MORC2: variants seen among roughly 807,000 people sequenced by gnomAD.
MORC2 encodes the protein ATPase MORC2.
In MORC2, 30 loss-of-function variants were observed where a neutral mutation model predicts 136.0. That is an observed-to-expected ratio of 0.22 (90% CI 0.17 to 0.30). MORC2 has a LOEUF of 0.30. MORC2 is among the 10% of genes least tolerant of loss of function. The pLI is 1.00. For synonymous variants in MORC2, 439 were observed against 487.0 expected, an observed-to-expected ratio of 0.90 and a Z score of 1.30; for missense variants, 922 against 1,333.1, an observed-to-expected ratio of 0.69 and a Z score of 4.80.
At chr22:30,950,338 C>CGGGGGGGGGGGG in intron 4 of MORC2, 39 bp downstream of exon 4, 1 of 695,176 alleles carries the variant, frequency 1.4e-6, no homozygotes, top group Non-Finnish European at 2.6e-6. Flanking sequence ...GGTTACATCG[C>CGGGGGGGGGGGG]ACCCCCCCAC....
At chr22:30,955,030 C>G (rs2040946504) in intron 3 of MORC2, among the ~76,000 whole-genome samples, 1 of 139,356 alleles carries the variant, frequency 7.2e-6, no homozygotes, top group Non-Finnish European at 1.5e-5. Flanking sequence ...GCGATCTTGG[C>G]TCATGGCAAC....
In MORC2 at chr22:30,940,544, A is replaced by G. The variant is rs567696002; in HGVS notation, c.904+214T>C. Reference sequence around the variant, plus strand: ...GAGCTGACACTTTTAGGCCCTATAAATGGCAGAAGAAGAGAAAGTGGAGTG... The same window carrying G: ...GAGCTGACACTTTTAGGCCCTATAAGTGGCAGAAGAAGAGAAAGTGGAGTG... On this transcript the variant is annotated intron_variant, in intron 10 of 25. Coordinates refer to ENST00000397641, the MANE Select transcript of MORC2 (RefSeq NM_001303256.3). Among the ~76,000 whole-genome samples the G allele has an allele frequency of 7.9e-5, 12 of 152,328 alleles. No individual in the cohort carries two copies. In the South Asian group the frequency reaches 2.5e-3, roughly 32 times the overall value.
Position 30,949,735 on chromosome 22 carries a change from G to A in MORC2, c.317+17C>T, listed in dbSNP as rs770128392. ...GGATTTTGTTTGAGCCCTGTGACAAGCTTCTAATATACCTACGATTTTAAC... is the reference window on the plus strand; with the variant it reads ...GGATTTTGTTTGAGCCCTGTGACAAACTTCTAATATACCTACGATTTTAAC... On this transcript the variant is annotated intron_variant, in intron 5 of 25. Transcript: ENST00000397641. 21 of 1,604,624 alleles carry A rather than the reference G, an allele frequency of 1.3e-5. No individual in the cohort carries two copies. Among genetic ancestry groups the A allele is most frequent in the Non-Finnish European group, 1.7e-5 (20 of 1,171,820 alleles).
At chr22:30,931,704 G>GC (rs1477995591) in intron 24 of MORC2, among the ~76,000 whole-genome samples, 3 of 152,106 alleles carry the variant, frequency 2.0e-5, no homozygotes, top group Non-Finnish European at 4.4e-5. Flanking sequence ...TGCTCTCTCT[G>GC]CCCCCCAGGC....
At chr22:30,935,411 A>C (rs2040639335) in intron 17 of MORC2, 89 bp from the exon 18 acceptor site, 1 of 1,306,236 alleles carries the variant, frequency 7.7e-7, no homozygotes, top group African/African-American at 1.5e-5. Flanking sequence ...CAGGGACAAA[A>C]AAAATAGAAA....
At chr22:30,953,052 T>C (rs1756594170) in intron 3 of MORC2, among the ~76,000 whole-genome samples, 1 of 152,190 alleles carries the variant, frequency 6.6e-6, no homozygotes, top group Non-Finnish European at 1.5e-5. Flanking sequence ...ATTGACAACA[T>C]CTGTGGATGG....
chr22:30,947,423 C>G lies in MORC2; in HGVS notation c.318-974G>C, dbSNP rs571522809. On this transcript the variant is annotated intron_variant, in intron 5 of 25. Coordinates refer to ENST00000397641, the MANE Select transcript of MORC2 (RefSeq NM_001303256.3). ...GGGCTGTTCAGCTCCTTTCTTCCAG[C>G]AGCTTCTGGAGCTTTATGGCTATTA... Among the ~76,000 whole-genome samples the G allele has an allele frequency of 8.5e-5, 13 of 152,350 alleles. No individual in the cohort carries two copies. The South Asian group carries it at 2.7e-3, about 32-fold the overall frequency.
At position 30,940,799 on chromosome 22, in the gene MORC2, G is replaced by A. The variant is rs370353700; in HGVS notation, c.863C>T (p.Ala288Val). ...CTCTGCTTTCTTCACCTCCTGCTCC[G>A]CACGGGTCTTGAAACGGCTTGACGT... ...KYTSSRFKTR[A>V]EQEVKKAEHV... Residue 288 changes from alanine to valine, a missense_variant, in exon 10 of 26, where the codon GCG (alanine) becomes GTG (valine). This residue lies in a region of MORC2 where 261 missense variants were observed against 354.3 expected (regional missense o/e 0.74). Transcript: ENST00000397641. The A allele has an allele frequency of 1.2e-6, 2 of 1,613,972 alleles. No homozygotes were observed. The highest frequency in any genetic ancestry group is 1.3e-5 in the African/African-American group (1 of 74,964).
In MORC2 at chr22:30,934,519, G is replaced by T. The variant is rs1194096305; in HGVS notation, c.2193+262C>A. Among the ~76,000 whole-genome samples, 1 of 152,106 alleles carries T rather than the reference G, an allele frequency of 6.6e-6. No individual in the cohort carries two copies. The highest frequency in any genetic ancestry group is 1.5e-5 in the Non-Finnish European group (1 of 68,032). ...GATGACTGACCTAAGCCCACACTTC[G>T]AGAGCCAGTGGAGGTGACTCAAGTT... On this transcript the variant is annotated intron_variant, in intron 19 of 25. Coordinates refer to ENST00000397641, the MANE Select transcript of MORC2 (RefSeq NM_001303256.3). This position sits in a 1 kb window ranked among gnomAD's most constrained non-coding sequence, Gnocchi z 4.4.
intron 11 of MORC2, 107 bp from the exon 12 acceptor site, chr22:30,939,813 C>T: frequency 7.4e-7 from 1 of 1,356,604 alleles, no homozygotes; most frequent in Non-Finnish European, 1.0e-6. Flanking sequence ...GATGTAAAAC[C>T]ACACCTGGAA....
chr22:30,944,373 C>T (rs966304467), intron 6 of MORC2, among the ~76,000 whole-genome samples: 1 of 152,156 alleles, frequency 6.6e-6, no homozygotes, highest in South Asian at 2.1e-4. Flanking sequence ...CACCCCATCC[C>T]TCCCCTCAGG....
At position 30,933,847 on chromosome 22, in the gene MORC2, T is replaced by C. The variant is rs77813344; in HGVS notation, c.2325+213A>G. Reference sequence around the variant, plus strand: ...CACCATGTTTAGTCACTTGTGTAACTGAGAGTCCTTGAGAGATCACTAGGC... The same window carrying C: ...CACCATGTTTAGTCACTTGTGTAACCGAGAGTCCTTGAGAGATCACTAGGC... On this transcript the variant is annotated intron_variant, in intron 20 of 25. Transcript: ENST00000397641. Among the ~76,000 whole-genome samples the C allele has an allele frequency of 0.017, 2,627 of 152,276 alleles. 86 individuals carry two copies. The highest frequency in any genetic ancestry group is 0.061 in the African/African-American group (2,514 of 41,544).
At chr22:30,958,224 GA>G (rs1488747407) in intron 2 of MORC2, among the ~76,000 whole-genome samples, 1 of 152,184 alleles carries the variant, frequency 6.6e-6, no homozygotes, top group African/African-American at 2.4e-5. Flanking sequence ...TACAATTTGA[GA>G]AGACACAGAA....
At chr22:30,957,671 G>A (rs1333998385) in intron 2 of MORC2, among the ~76,000 whole-genome samples, 2 of 152,140 alleles carry the variant, frequency 1.3e-5, no homozygotes, top group African/African-American at 4.8e-5. Context: ...TTAACAAGTG[G>A]CAAATTCAAA....
In MORC2 at chr22:30,941,492, G is replaced by T. The variant is rs1183694071; in HGVS notation, c.765C>A (p.Ile255=). 3 of 1,613,982 alleles carry T rather than the reference G, an allele frequency of 1.9e-6. No individual in the cohort carries two copies. The Admixed American group carries it at 5.0e-5, about 27-fold the overall frequency. ...TCTGCACCTTGTGCCCATGGATGAA[G>T]ATCCTCATCCGGGGATCAATATAGA... is the stretch of plus-strand genomic sequence containing the variant. The part of the protein sequence containing the change: ...AVLYIDPRMR[I]FIHGHKVQTK... The change falls in exon 9 of 26, where the codon ATC becomes ATA. Residue 255 remains isoleucine, a synonymous_variant. Transcript: ENST00000397641. This position sits in a 1 kb window ranked among gnomAD's most constrained non-coding sequence, Gnocchi z 4.6.
At chr22:30,930,185 CTTTG>C (rs1334693145) in intron 24 of MORC2, among the ~76,000 whole-genome samples, 1 of 152,180 alleles carries the variant, frequency 6.6e-6, no homozygotes, top group Non-Finnish European at 1.5e-5. Flanking sequence ...CACTCATGCA[CTTTG>C]TTTGGGCCCA....
At chr22:30,957,555 G>A (rs889805297) in intron 2 of MORC2, among the ~76,000 whole-genome samples, 1 of 152,130 alleles carries the variant, frequency 6.6e-6, no homozygotes, top group African/African-American at 2.4e-5. Context: ...GAGAGATACT[G>A]GCAAAATGTA....
At position 30,967,871 on chromosome 22, in the gene MORC2, T is replaced by C. The variant is rs1213563782; in HGVS notation, c.19A>G (p.Ser7Gly). 2 of 1,551,010 alleles carry C rather than the reference T, an allele frequency of 1.3e-6. No homozygotes were observed. The highest frequency in any genetic ancestry group is 1.7e-6 in the Non-Finnish European group (2 of 1,147,034). MAFTNYSSLNRAQLTFE... is the reference protein window; with the variant it reads MAFTNYGSLNRAQLTFE... ...GTTAGCTGAGCTCGATTCAGACTGC[T>C]GTAATTTGTGAAAGCCATGACTGCA... is the stretch of plus-strand genomic sequence containing the variant. The change falls in exon 1 of 26, where the codon AGC (serine) becomes GGC (glycine). Residue 7 changes from serine to glycine, a missense_variant. By Grantham distance (56) the Ser-to-Gly change is moderately conservative. Coordinates refer to ENST00000397641, the MANE Select transcript of MORC2 (RefSeq NM_001303256.3).
Position 30,932,943 on chromosome 22 carries a change from C to T in MORC2, c.2468G>A (p.Arg823Gln), listed in dbSNP as rs764479914. 1.9e-6 allele frequency: 3 copies of T among 1,614,178 alleles called. No individual in the cohort carries two copies. The highest frequency in any genetic ancestry group is 1.7e-5 in the Admixed American group (1 of 60,026). Reference sequence around the variant, plus strand: ...CACGTAGTCAAACTTCACCTTCCACCGCACCACATGCTTGCCCACCTCCAC... The same window carrying T: ...CACGTAGTCAAACTTCACCTTCCACTGCACCACATGCTTGCCCACCTCCAC... ...TAVEVGKHVV[R>Q]WKVKFDYVPT... The change falls in exon 22 of 26, where the codon CGG (arginine) becomes CAG (glutamine). Residue 823 changes from arginine to glutamine, a missense_variant. Physicochemically the swap from Arg to Gln is conservative, Grantham distance 43 (BLOSUM62 1). Coordinates refer to ENST00000397641, the MANE Select transcript of MORC2 (RefSeq NM_001303256.3). This position sits in a 1 kb window ranked among gnomAD's most constrained non-coding sequence, Gnocchi z 4.4.
Sources: allele counts gnomAD v4.1 joint callset (sites outside exome capture counted in the v4.1 genomes callset), GRCh38; gene constraint gnomAD v4.1.1; regional missense constraint gnomAD v4.1.1; non-coding constraint Gnocchi (gnomAD v3.1); transcripts MANE v1.5; gene names NCBI Gene and HGNC (gene_info 2026-07-23, HGNC 2026-07-21).